RERG: variants seen among roughly 807,000 people sequenced by gnomAD.
RERG encodes RAS like estrogen regulated growth inhibitor.
RERG carries 25 observed loss-of-function variants against 23.2 expected under a neutral mutation model. The ratio of observed to expected loss-of-function variants is 1.08; its 90% confidence interval spans 0.79 to 1.50. The LOEUF (loss-of-function observed/expected upper bound fraction) is 1.50. Among genes scored for constraint, RERG ranks in the 40% most tolerant of loss-of-function variants. RERG has a pLI of 0.00. For missense variants in RERG, 253 were observed against 250.1 expected, an observed-to-expected ratio of 1.01 and a Z score of -0.08; for synonymous variants, 81 against 89.1, an observed-to-expected ratio of 0.91 and a Z score of 0.51.
At chr12:15,154,233 C>A (rs1445461729) in intron 2 of RERG, 1 of 152,170 alleles carries the variant, frequency 6.6e-6, no homozygotes, top group Non-Finnish European at 1.5e-5. Context: ...TTTGGCTTGC[C>A]ATTTAGCCCC....
chr12:15,173,490 G>A (rs1302647316), intron 2 of RERG, among the ~76,000 whole-genome samples: 1 of 151,894 alleles, frequency 6.6e-6, no homozygotes, highest in Non-Finnish European at 1.5e-5. Context: ...ATCGGCTTGT[G>A]AATTTCAGCA....
intron 3 of RERG, among the ~76,000 whole-genome samples, chr12:15,116,471 T>A (rs538237676): frequency 1.8e-4 from 28 of 152,254 alleles, no homozygotes; most frequent in African/African-American, 6.7e-4. Context: ...ATAATAAAAA[T>A]TATATGAAGT....
intron 2 of RERG, among the ~76,000 whole-genome samples, chr12:15,198,693 A>C (rs1865177571): frequency 6.6e-6 from 1 of 152,144 alleles, no homozygotes; most frequent in African/African-American, 2.4e-5. Flanking sequence ...GAGGCTCTGA[A>C]ACAGGTTCCA....
intron 2 of RERG, among the ~76,000 whole-genome samples, chr12:15,205,370 G>C (rs1865269323): frequency 1.3e-5 from 2 of 151,936 alleles, no homozygotes; most frequent in Admixed American, 1.3e-4. Flanking sequence ...AGAAATCGTG[G>C]GTTAAATTTT....
chr12:15,189,527 C>T (rs1865039511), intron 2 of RERG, among the ~76,000 whole-genome samples: 1 of 152,104 alleles, frequency 6.6e-6, no homozygotes, highest in Non-Finnish European at 1.5e-5. Flanking sequence ...TTAGTCTCAT[C>T]AGTTTTCCCC....
chr12:15,196,104 C>A (rs921801144), intron 2 of RERG, among the ~76,000 whole-genome samples: 1 of 152,134 alleles, frequency 6.6e-6, no homozygotes, highest in Non-Finnish European at 1.5e-5. Context: ...CATTTAAAAT[C>A]TGAGAAAGGC....
chr12:15,142,147 A>G (rs146754670), intron 2 of RERG, among the ~76,000 whole-genome samples: 1 of 152,352 alleles, frequency 6.6e-6, no homozygotes, highest in African/African-American at 2.4e-5. Context: ...CTCCATTAAT[A>G]AATGTGTTAA....
At chr12:15,191,405 G>A (rs932649959) in intron 2 of RERG, among the ~76,000 whole-genome samples, 4 of 152,132 alleles carry the variant, frequency 2.6e-5, no homozygotes, top group Non-Finnish European at 5.9e-5. Flanking sequence ...TCACTATAGT[G>A]TCAGGGCCTC....
rs1863529510 is a variant in RERG at position 15,108,039 on chromosome 12, T to C, written c.*1071A>G. 2 of 152,588 alleles carry C rather than the reference T, an allele frequency of 1.3e-5. No individual in the cohort carries two copies. Among genetic ancestry groups the C allele is most frequent in the Non-Finnish European group, 2.9e-5 (2 of 68,002 alleles). 9.5% of individuals were successfully genotyped at this position (152,588 alleles called of 1,614,324 possible). On this transcript the variant is annotated 3_prime_UTR_variant, in exon 5 of 5. Transcript: ENST00000256953. ...AGGTTTTATCAGTTGTAGACTGTAC[T>C]TTCAGAATACAAGAGTCTGTTTTAG... is the stretch of plus-strand genomic sequence containing the variant.
chr12:15,114,805 C>CTTGT (rs1370119012), intron 3 of RERG: 5 of 152,184 alleles, frequency 3.3e-5, no homozygotes, highest in Admixed American at 6.5e-5. Context: ...CACCTAGGAA[C>CTTGT]TTGTTAGAAA....
chr12:15,132,857 G>A (rs2136096628), intron 2 of RERG, among the ~76,000 whole-genome samples: 1 of 152,026 alleles, frequency 6.6e-6, no homozygotes, highest in South Asian at 2.1e-4. Context: ...TTGATGGGGT[G>A]TCTGTTAGAT....
At chr12:15,118,121 G>A (rs866637914) in intron 3 of RERG, among the ~76,000 whole-genome samples, 4 of 152,094 alleles carry the variant, frequency 2.6e-5, no homozygotes, top group African/African-American at 4.8e-5. Context: ...CAAGTGGAGC[G>A]TAGGTTTAGT....
chr12:15,117,871 T>G lies in RERG; in HGVS notation c.118+3192A>C, dbSNP rs1244903224. Among the ~76,000 whole-genome samples the G allele has an allele frequency of 3.9e-5, 6 of 152,266 alleles. No individual in the cohort carries two copies. The East Asian group carries it at 9.7e-4, about 25-fold the overall frequency. On this transcript the variant is annotated intron_variant, in intron 3 of 4. Transcript: ENST00000256953. Reference sequence around the variant, plus strand: ...AATCAGATAATTGCTGCCACCACCATCAGGGGGTTTTCATGGTTAGATGGT... The same window carrying G: ...AATCAGATAATTGCTGCCACCACCAGCAGGGGGTTTTCATGGTTAGATGGT...
chr12:15,122,791 T>G (rs897643399), intron 2 of RERG, among the ~76,000 whole-genome samples: 4 of 151,954 alleles, frequency 2.6e-5, no homozygotes, highest in African/African-American at 7.2e-5. Context: ...CGTAGTTGTT[T>G]TTTTTTTTGT....
At chr12:15,142,213 C>A (rs913235416) in intron 2 of RERG, among the ~76,000 whole-genome samples, 1 of 152,036 alleles carries the variant, frequency 6.6e-6, no homozygotes. Flanking sequence ...CTTAATAATC[C>A]AAGAGTCATT....
At chr12:15,179,184 T>C (rs1591659941) in intron 2 of RERG, among the ~76,000 whole-genome samples, 1 of 152,322 alleles carries the variant, frequency 6.6e-6, no homozygotes, top group African/African-American at 2.4e-5. Context: ...GAGTGGCTAC[T>C]TCTCAGCTAT....
intron 2 of RERG, among the ~76,000 whole-genome samples, chr12:15,191,992 A>C (rs2417431): frequency 6.6e-6 from 1 of 152,062 alleles, no homozygotes. Flanking sequence ...CTATCTTGTC[A>C]TTGTCCTGGA....
At chr12:15,216,345 G>T (rs914508655) in intron 2 of RERG, among the ~76,000 whole-genome samples, 2 of 152,178 alleles carry the variant, frequency 1.3e-5, no homozygotes, top group Non-Finnish European at 2.9e-5. Flanking sequence ...GGTGGTAGCA[G>T]GAAAGAGTAC....
intron 3 of RERG, among the ~76,000 whole-genome samples, chr12:15,115,283 C>G (rs531278667): frequency 1.3e-5 from 2 of 152,172 alleles, no homozygotes; most frequent in African/African-American, 4.8e-5. Flanking sequence ...GCTATTAGCT[C>G]CATTTTACAA....
Sources: gnomAD v4.1 joint callset for allele counts (sites outside exome capture counted in the v4.1 genomes callset) on GRCh38, gnomAD v4.1.1 for gene constraint, MANE v1.5 for transcripts, NCBI Gene and HGNC (gene_info 2026-07-23, HGNC 2026-07-21) for gene names.